Variants in FANCB observed in about 807,000 individuals in gnomAD.
FANCB encodes FA complementation group B, also known as Fanconi anemia group B protein.
Under a neutral mutation model 38.9 loss-of-function variants are expected in FANCB, and 5 were observed. The observed-to-expected ratio is 0.13, with a 90% confidence interval of 0.07 to 0.27. FANCB has a LOEUF of 0.27. Among genes scored for constraint, FANCB ranks in the 10% least tolerant of loss-of-function variants. The pLI is 1.00. For synonymous variants in FANCB, 236 were observed against 215.4 expected, an observed-to-expected ratio of 1.10 and a Z score of -0.84; for missense variants, 573 against 602.7, an observed-to-expected ratio of 0.95 and a Z score of 0.52.
At chrX:14,757,796 A>G in the FANCB span, among the ~76,000 whole-genome samples, 6 of 112,024 alleles carry the variant, frequency 5.4e-5, no homozygotes, top group African/African-American at 2.0e-4. Flanking sequence ...TGAACTTTGT[A>G]ACACTTTTGA....
At chrX:14,861,567 CCTT>C (rs1450314513) in intron 3 of FANCB, among the ~76,000 whole-genome samples, 1 of 111,128 alleles carries the variant, frequency 9.0e-6, no homozygotes, top group African/African-American at 3.3e-5. Flanking sequence ...CAAAGACCCA[CCTT>C]ATTATTTAAT....
At chrX:14,838,350 GA>G (rs2092346267) in intron 10 of FANCB, among the ~76,000 whole-genome samples, 1 of 111,551 alleles carries the variant, frequency 9.0e-6, no homozygotes, top group African/African-American at 3.3e-5. Flanking sequence ...CTGGCTTCAG[GA>G]AACACCTGAC....
the FANCB span, among the ~76,000 whole-genome samples, chrX:14,806,456 T>C: frequency 3.6e-5 from 4 of 111,685 alleles, no homozygotes; most frequent in African/African-American, 1.3e-4. Context: ...AAGTCAGAGG[T>C]GATGCAGGTG....
chrX:14,798,778 C>A, the FANCB span, among the ~76,000 whole-genome samples: 3 of 111,576 alleles, frequency 2.7e-5, no homozygotes, highest in African/African-American at 9.8e-5. Context: ...CTATAGTAAC[C>A]AGTTATTTAA....
chrX:14,689,705 T>C, the FANCB span, among the ~76,000 whole-genome samples: 1 of 112,097 alleles, frequency 8.9e-6, no homozygotes, highest in African/African-American at 3.2e-5. Context: ...TATCAAAATA[T>C]AGGAAACTCT....
At chrX:14,750,507 A>G in the FANCB span, among the ~76,000 whole-genome samples, 1 of 111,695 alleles carries the variant, frequency 9.0e-6, no homozygotes, top group African/African-American at 3.3e-5. Context: ...CTTGGAGATG[A>G]CATACATCAC....
In FANCB at chrX:14,852,970, A is replaced by C. The variant is rs766323340; in HGVS notation, c.1326+69T>G. On this transcript the variant is annotated intron_variant, in intron 6 of 9. Coordinates refer to ENST00000650831, the MANE Select transcript of FANCB (RefSeq NM_001018113.3). ...TAATATATTCTAATATTCCAATTTA[A>C]ATAACTTTTCAATAGCTTATAGATT... is the stretch of plus-strand genomic sequence containing the variant. The C allele has an allele frequency of 1.2e-5, 12 of 1,015,359 alleles. No homozygotes were observed. The East Asian group carries it at 3.8e-4, about 32-fold the overall frequency. 83.7% of individuals were successfully genotyped at this position (1,015,359 alleles called of 1,213,427 possible). A position where few individuals can be genotyped will look rare whatever the true frequency, so the allele number is the denominator to read the frequency against.
chrX:14,737,297 G>A, the FANCB span, among the ~76,000 whole-genome samples: 1 of 112,207 alleles, frequency 8.9e-6, no homozygotes, highest in Non-Finnish European at 1.9e-5. Context: ...GAGAGCCCCT[G>A]TGAAGTAGAG....
chrX:14,766,671 CT>C, the FANCB span, among the ~76,000 whole-genome samples: 7,015 of 106,871 alleles, frequency 0.066, 297 homozygotes, highest in African/African-American at 0.14. Flanking sequence ...CTTTCTTTTT[CT>C]TTTTTTTTTA....
At chrX:14,803,633 G>A in the FANCB span, among the ~76,000 whole-genome samples, 1 of 112,110 alleles carries the variant, frequency 8.9e-6, no homozygotes, top group East Asian at 2.8e-4. Flanking sequence ...CTCCTTGGGT[G>A]TGTATGTCTG....
the FANCB span, among the ~76,000 whole-genome samples, chrX:14,726,164 A>C: frequency 8.9e-6 from 1 of 112,357 alleles, no homozygotes; most frequent in South Asian, 3.6e-4. Flanking sequence ...TTTTAGTTTC[A>C]GTTTATCCAT....
the FANCB span, among the ~76,000 whole-genome samples, chrX:14,701,208 G>C: frequency 5.4e-5 from 6 of 110,979 alleles, no homozygotes; most frequent in African/African-American, 2.0e-4. Context: ...ACCCACAGAA[G>C]TTTTCTCAAG....
At chrX:14,690,636 T>TAGGA in the FANCB span, 1 of 741,159 alleles carries the variant, frequency 1.3e-6, no homozygotes, top group Non-Finnish European at 2.1e-6. Context: ...TCTGGTTTCC[T>TAGGA]GGCAGGCTTT....
At chrX:14,730,509 C>T in the FANCB span, 2 of 1,076,490 alleles carry the variant, frequency 1.9e-6, no homozygotes, top group African/African-American at 2.0e-5. Flanking sequence ...ACCCTGGGAC[C>T]TTCTTGCCTC....
chrX:14,745,825 A>G, the FANCB span, among the ~76,000 whole-genome samples: 2 of 102,097 alleles, frequency 2.0e-5, no homozygotes, highest in Admixed American at 1.1e-4. Flanking sequence ...TCAGCCTCCC[A>G]TGTAGCTGGG....
At chrX:14,768,627 C>T in the FANCB span, among the ~76,000 whole-genome samples, 5 of 111,851 alleles carry the variant, frequency 4.5e-5, no homozygotes, top group African/African-American at 1.6e-4. Context: ...TTGACTTCTT[C>T]TCTTCCTATT....
the FANCB span, among the ~76,000 whole-genome samples, chrX:14,691,322 T>TGC: frequency 4.9e-5 from 4 of 81,971 alleles, no homozygotes; most frequent in Non-Finnish European, 9.1e-5. Context: ...TGTGTGTGTG[T>TGC]GTGCGCGCGT....
chrX:14,816,560 C>T, the FANCB span, among the ~76,000 whole-genome samples: 1 of 112,153 alleles, frequency 8.9e-6, no homozygotes, highest in Non-Finnish European at 1.9e-5. Flanking sequence ...ACATTATTGA[C>T]ATTTTGAGCT....
the FANCB span, among the ~76,000 whole-genome samples, chrX:14,728,009 C>G: frequency 8.9e-6 from 1 of 112,032 alleles, no homozygotes. Context: ...GACAGAGTGC[C>G]TTTAGCCAAC....
Sources: allele counts gnomAD v4.1 joint callset (sites outside exome capture counted in the v4.1 genomes callset), GRCh38; gene constraint gnomAD v4.1.1; transcripts MANE v1.5; gene names NCBI Gene and HGNC (gene_info 2026-07-23, HGNC 2026-07-21).